The following SEMA5A variants were observed in gnomAD, a reference collection of about 807,000 sequenced individuals.
SEMA5A encodes semaphorin-5A.
SEMA5A carries 55 observed loss-of-function variants against 135.5 expected under a neutral mutation model. That is an observed-to-expected ratio of 0.41 (90% CI 0.33 to 0.51). SEMA5A has a LOEUF of 0.51. SEMA5A is among the 20% of genes least tolerant of loss of function. SEMA5A has a pLI of 0.37. For missense variants in SEMA5A, 1,290 were observed against 1,419.9 expected (o/e 0.91, Z 1.47); for synonymous variants, 580 against 546.5 (o/e 1.06, Z -0.85).
intron 3 of SEMA5A, among the ~76,000 whole-genome samples, chr5:9,353,382 GGAAA>G (rs1199419690): frequency 1.5e-4 from 23 of 150,236 alleles, no homozygotes; most frequent in African/African-American, 5.4e-4. Context: ...GGAAAGGAAA[GGAAA>G]GGAAAGGAAG....
chr5:9,467,315 T>C (rs528298880), intron 1 of SEMA5A, among the ~76,000 whole-genome samples: 24 of 152,196 alleles, frequency 1.6e-4, no homozygotes, highest in South Asian at 1.0e-3. Flanking sequence ...GGTTTCACCA[T>C]CTTGGCCAGG....
At chr5:9,484,569 A>G (rs145461295) in intron 1 of SEMA5A, among the ~76,000 whole-genome samples, 1 of 152,216 alleles carries the variant, frequency 6.6e-6, no homozygotes, top group Admixed American at 6.5e-5. Context: ...AACTCTGTAG[A>G]GTTTATGGTA....
At chr5:9,192,425 G>A (rs186385100) in intron 10 of SEMA5A, among the ~76,000 whole-genome samples, 305 of 152,354 alleles carry the variant, frequency 2.0e-3, no homozygotes, top group African/African-American at 7.1e-3. Flanking sequence ...GCACTAAAGA[G>A]AAGCCATTCA....
rs544675304 is a variant in SEMA5A at position 9,147,491 on chromosome 5, C to T, written c.1481+6997G>A. Among the ~76,000 whole-genome samples, 14 of 152,102 alleles carry T rather than the reference C, an allele frequency of 9.2e-5. No individual in the cohort carries two copies. In the South Asian group the frequency reaches 2.3e-3, roughly 25 times the overall value. ...TTCACCACGTTGGCCAGGCTAGTCT[C>T]GAACTCCTGACCTCTTGATCCACCC... is the stretch of plus-strand genomic sequence containing the variant. On this transcript the variant is annotated intron_variant, in intron 12 of 22. Coordinates refer to ENST00000382496, the MANE Select transcript of SEMA5A (RefSeq NM_003966.3).
chr5:9,508,173 A>G (rs1354099894), intron 1 of SEMA5A, among the ~76,000 whole-genome samples: 1 of 152,080 alleles, frequency 6.6e-6, no homozygotes, highest in Non-Finnish European at 1.5e-5. Context: ...CATTCCACAA[A>G]CAACCACAGC....
chr5:9,353,241 A>AAAGGAAAGGAAGGGAAGGG (rs1561177451), intron 3 of SEMA5A, among the ~76,000 whole-genome samples: 1 of 95,220 alleles, frequency 1.1e-5, no homozygotes, highest in Non-Finnish European at 2.1e-5. Context: ...GAAAGGAAGG[A>AAAGGAAAGGAAGGGAAGGG]AAGGGAAGGG....
intron 16 of SEMA5A, among the ~76,000 whole-genome samples, chr5:9,076,154 G>A (rs908178771): frequency 2.4e-4 from 35 of 144,926 alleles, no homozygotes; most frequent in African/African-American, 8.6e-4. Context: ...GCAGTAAGCC[G>A]AGATCGCACC....
chr5:9,211,362 C>A (rs183558216), intron 8 of SEMA5A, among the ~76,000 whole-genome samples: 39 of 152,226 alleles, frequency 2.6e-4, no homozygotes, highest in African/African-American at 9.2e-4. Flanking sequence ...CATTTTGGTA[C>A]CCACATATAC....
In SEMA5A at chr5:9,251,009, C is replaced by A. The variant is rs1340353166; in HGVS notation, c.271-13119G>T. ...TGTTGTAAGTATTAAGAGGTAAGACCTTTAGGGGACAACTAGGTCTTGAGA... is the reference window on the plus strand; with the variant it reads ...TGTTGTAAGTATTAAGAGGTAAGACATTTAGGGGACAACTAGGTCTTGAGA... On this transcript the variant is annotated intron_variant, in intron 5 of 22. Transcript: ENST00000382496. Among the ~76,000 whole-genome samples, 3 of 152,196 alleles carry A rather than the reference C, an allele frequency of 2.0e-5. No homozygotes were observed. The East Asian group carries it at 5.8e-4, about 29-fold the overall frequency.
chr5:9,138,161 C>A (rs572994696), intron 12 of SEMA5A, among the ~76,000 whole-genome samples: 1 of 152,180 alleles, frequency 6.6e-6, no homozygotes, highest in Non-Finnish European at 1.5e-5. Context: ...GTTCCTATAA[C>A]CTCATTAAAA....
Position 9,401,206 on chromosome 5 carries a change from A to C in SEMA5A, c.-77-21183T>G, listed in dbSNP as rs1337660638. The stretch of plus-strand genomic sequence containing the variant: ...AAGAGAAGAGCAAGCTGGAAGACCC[A>C]GTGAGCATGAAGGTGGATGAGCAGT... On this transcript the variant is annotated intron_variant, in intron 2 of 22. Coordinates refer to ENST00000382496, the MANE Select transcript of SEMA5A (RefSeq NM_003966.3). Among the ~76,000 whole-genome samples the C allele has an allele frequency of 3.9e-5, 6 of 152,222 alleles. No homozygotes were observed. The East Asian group carries it at 9.6e-4, about 24-fold the overall frequency.
At chr5:9,493,850 G>C (rs1201634433) in intron 1 of SEMA5A, among the ~76,000 whole-genome samples, 1 of 152,152 alleles carries the variant, frequency 6.6e-6, no homozygotes, top group Admixed American at 6.6e-5. Context: ...GGAAACTTTT[G>C]AAAGAATATT....
rs538013070 is a variant in SEMA5A at position 9,501,384 on chromosome 5, CGTGT to C, written c.-175+44196_-175+44199del. On this transcript the variant is annotated intron_variant, in intron 1 of 22. Transcript: ENST00000382496. ...GTGTCAACATATACATATGTGTCTA[CGTGT>C]GTGTGTATTTGTGTGTGTGCATGAA... Among the ~76,000 whole-genome samples, 236 of 152,230 alleles carry C rather than the reference CGTGT, an allele frequency of 1.6e-3. 1 individual carries two copies. Among genetic ancestry groups the C allele is most frequent in the South Asian group, 9.8e-3 (47 of 4,818 alleles).
intron 5 of SEMA5A, among the ~76,000 whole-genome samples, chr5:9,257,728 T>C (rs187200352): frequency 6.6e-6 from 1 of 152,246 alleles, no homozygotes; most frequent in East Asian, 1.9e-4. Context: ...ACCCCCAGCA[T>C]TACAACCACC....
At chr5:9,167,798 T>C (rs372667531) in intron 11 of SEMA5A, among the ~76,000 whole-genome samples, 1 of 152,180 alleles carries the variant, frequency 6.6e-6, no homozygotes, top group Admixed American at 6.5e-5. Context: ...AAGCTTTCCT[T>C]GGTGTGATAT....
intron 5 of SEMA5A, among the ~76,000 whole-genome samples, chr5:9,296,802 G>A (rs894334871): frequency 1.3e-5 from 2 of 150,846 alleles, no homozygotes; most frequent in African/African-American, 4.9e-5. Flanking sequence ...TAAATTTCAG[G>A]ATTTGTACAG....
At chr5:9,329,186 C>T (rs893031859) in intron 4 of SEMA5A, among the ~76,000 whole-genome samples, 3 of 151,240 alleles carry the variant, frequency 2.0e-5, no homozygotes, top group Admixed American at 6.6e-5. Flanking sequence ...TTTTCAGGAC[C>T]CTTTACTCAG....
chr5:9,379,876 G>C lies in SEMA5A; in HGVS notation c.71C>G (p.Ala24Gly). The C allele has an allele frequency of 6.2e-7, 1 of 1,614,060 alleles. No individual in the cohort carries two copies. Among genetic ancestry groups the C allele is most frequent in the South Asian group, 1.1e-5 (1 of 91,070 alleles). Residue 24 changes from alanine to glycine, a missense_variant, in exon 3 of 23, where the codon GCC becomes GGC. Coordinates refer to ENST00000382496, the MANE Select transcript of SEMA5A (RefSeq NM_003966.3). ...LGLWRLAHPE[A>G]QGTTQCQRTE... ...TCTCTGGCACTGAGTCGTACCCTGG[G>C]CCTCTGGGTGGGCGAGTCTCCACAG...
At chr5:9,408,969 AAC>A (rs1240863782) in intron 2 of SEMA5A, among the ~76,000 whole-genome samples, 2 of 152,292 alleles carry the variant, frequency 1.3e-5, no homozygotes, top group Non-Finnish European at 2.9e-5. Flanking sequence ...GCCCATTTTA[AAC>A]ACAGTTTAGA....
Sources: gnomAD v4.1 joint callset for allele counts (sites outside exome capture counted in the v4.1 genomes callset) on GRCh38, gnomAD v4.1.1 for gene constraint, MANE v1.5 for transcripts, NCBI Gene and HGNC (gene_info 2026-07-23, HGNC 2026-07-21) for gene names.